The following CFAP221 variants were observed in gnomAD, a reference collection of about 807,000 sequenced individuals.
CFAP221 encodes cilia- and flagella-associated protein 221.
A neutral mutation model predicts 113.1 loss-of-function variants in CFAP221; 97 were observed. The ratio of observed to expected loss-of-function variants is 0.86; its 90% confidence interval spans 0.73 to 1.02. The LOEUF (loss-of-function observed/expected upper bound fraction) is 1.02. Ranked by LOEUF, CFAP221 falls within the 50% of genes least tolerant of loss-of-function variation. The pLI is 0.00. For synonymous variants in CFAP221, 331 were observed against 354.4 expected (o/e 0.93, Z 0.74); for missense variants, 1,025 against 1,013.4 (o/e 1.01, Z -0.16).
Position 119,563,243 on chromosome 2 carries a change from A to G in CFAP221, c.527+1129A>G, listed in dbSNP as rs573827969. On this transcript the variant is annotated intron_variant, in intron 6 of 23. Coordinates refer to ENST00000413369, the MANE Select transcript of CFAP221 (RefSeq NM_001271049.2). The stretch of plus-strand genomic sequence containing the variant: ...TCAAATCATCTCTAGATTACTTATA[A>G]TGCTAATACAATGTAAACACTATGT... Among the ~76,000 whole-genome samples, 436 of 152,322 alleles carry G rather than the reference A, an allele frequency of 2.9e-3. 2 individuals are homozygous for G. The highest frequency in any genetic ancestry group is 9.8e-3 in the African/African-American group (408 of 41,564).
intron 21 of CFAP221, among the ~76,000 whole-genome samples, chr2:119,642,584 G>A (rs954613918): frequency 1.5e-5 from 2 of 129,790 alleles, no homozygotes; most frequent in Non-Finnish European, 3.1e-5. Context: ...TATCTTCCAC[G>A]CTGGAGTGCA....
At chr2:119,648,547 C>G in intron 22 of CFAP221, 1 of 198,392 alleles carries the variant, frequency 5.0e-6, no homozygotes, top group Non-Finnish European at 1.2e-5. Flanking sequence ...TAGGAAGACT[C>G]TTGGTCCCAG....
intron 3 of CFAP221, among the ~76,000 whole-genome samples, chr2:119,550,917 C>T (rs565896437): frequency 1.3e-5 from 2 of 152,312 alleles, no homozygotes; most frequent in Admixed American, 6.5e-5. Context: ...TATTCCCCTC[C>T]CACTCCCACC....
chr2:119,584,243 G>A (rs1037302800), intron 6 of CFAP221, among the ~76,000 whole-genome samples: 1 of 151,988 alleles, frequency 6.6e-6, no homozygotes, highest in Non-Finnish European at 1.5e-5. Flanking sequence ...ATAAACTATG[G>A]CTTGGAAAAG....
chr2:119,614,084 G>C (rs1685361192), intron 13 of CFAP221, among the ~76,000 whole-genome samples: 1 of 152,226 alleles, frequency 6.6e-6, no homozygotes, highest in African/African-American at 2.4e-5. Flanking sequence ...AATGCCCCCA[G>C]TCTCTTTGCT....
At chr2:119,636,223 T>C (rs868325038) in intron 19 of CFAP221, among the ~76,000 whole-genome samples, 15 of 152,230 alleles carry the variant, frequency 9.9e-5, no homozygotes, top group African/African-American at 3.4e-4. Context: ...ATGCTACTTA[T>C]TAGTTTTCAA....
At chr2:119,568,663 C>T (rs1324747930) in intron 6 of CFAP221, among the ~76,000 whole-genome samples, 2 of 152,146 alleles carry the variant, frequency 1.3e-5, no homozygotes, top group Non-Finnish European at 2.9e-5. Flanking sequence ...CTGCAAAGGA[C>T]ATTATTTCAT....
intron 5 of CFAP221, 73 bp from the exon 6 acceptor site, chr2:119,561,941 A>G: frequency 1.1e-6 from 1 of 948,918 alleles, no homozygotes; most frequent in Non-Finnish European, 1.6e-6. Flanking sequence ...GATAAGAAAT[A>G]AAGCATCTAC....
intron 6 of CFAP221, among the ~76,000 whole-genome samples, chr2:119,574,721 CACAT>C (rs1428940666): frequency 2.0e-5 from 3 of 152,180 alleles, no homozygotes; most frequent in Admixed American, 2.0e-4. Context: ...CACACACACT[CACAT>C]ACATGCACTT....
intron 7 of CFAP221, among the ~76,000 whole-genome samples, chr2:119,598,101 G>A (rs1352120103): frequency 6.6e-6 from 1 of 152,076 alleles, no homozygotes; most frequent in Admixed American, 6.5e-5. Flanking sequence ...TAGGGAGAGT[G>A]ATCTGTACTT....
At chr2:119,572,532 T>C in intron 6 of CFAP221, 1 of 701,280 alleles carries the variant, frequency 1.4e-6, no homozygotes, top group Non-Finnish European at 2.6e-6. Flanking sequence ...TTCATCATGC[T>C]CTGTAGTTTA....
intron 19 of CFAP221, among the ~76,000 whole-genome samples, chr2:119,637,371 C>G (rs2012663): frequency 0.95 from 143,976 of 152,276 alleles, 68,148 homozygotes; most frequent in East Asian, 0.99. Context: ...ATCTGGGTGC[C>G]GGAATGCATT....
intron 8 of CFAP221, 175 bp downstream of exon 8, chr2:119,601,552 C>A: frequency 1.8e-6 from 1 of 565,856 alleles, no homozygotes; most frequent in Non-Finnish European, 2.8e-6. Flanking sequence ...TATATCTATG[C>A]TAGTAGCAAG....
In CFAP221 at chr2:119,604,871, CTT is replaced by C. The variant is rs762155520; in HGVS notation, c.913-4_913-3del. On this transcript the variant is annotated splice_polypyrimidine_tract_variant and splice_region_variant and intron_variant, in intron 9 of 23. Transcript: ENST00000413369. ...ACTGATTTCCCTATTGATTTGGTCT[CTT>C]AGGAAATTGAGTACCAGAACCTCAG... is the stretch of plus-strand genomic sequence containing the variant. 7.9e-5 allele frequency: 128 copies of C among 1,613,748 alleles called. No individual in the cohort carries two copies. Among genetic ancestry groups the C allele is most frequent in the Non-Finnish European group, 9.9e-5 (117 of 1,179,898 alleles).
At chr2:119,647,120 AG>A (rs2104807097) in intron 22 of CFAP221, 70 bp downstream of exon 22, 2 of 1,239,884 alleles carry the variant, frequency 1.6e-6, no homozygotes, top group South Asian at 2.6e-5. Flanking sequence ...AGGTGCTGTG[AG>A]GAACTTCAGA....
intron 19 of CFAP221, among the ~76,000 whole-genome samples, chr2:119,632,701 CAAA>C (rs34915791): frequency 4.6e-5 from 5 of 109,624 alleles, no homozygotes; most frequent in Non-Finnish European, 7.7e-5. Context: ...TCTTTATTTA[CAAA>C]AAAAAAAAAA....
At chr2:119,562,250 A>T in intron 6 of CFAP221, 136 bp downstream of exon 6, 1 of 516,250 alleles carries the variant, frequency 1.9e-6, no homozygotes, top group Non-Finnish European at 3.1e-6. Context: ...TCATTGTAAA[A>T]GGCAAAAAAA....
chr2:119,604,134 T>C (rs1280876871), intron 8 of CFAP221, among the ~76,000 whole-genome samples: 1 of 152,202 alleles, frequency 6.6e-6, no homozygotes, highest in Non-Finnish European at 1.5e-5. Context: ...TTTTTCAGCA[T>C]GTCATGTTTT....
At chr2:119,567,564 T>C (rs1171036656) in intron 6 of CFAP221, among the ~76,000 whole-genome samples, 1 of 152,238 alleles carries the variant, frequency 6.6e-6, no homozygotes, top group Non-Finnish European at 1.5e-5. Flanking sequence ...TAATTATGAA[T>C]AAAACTGCAT....
Sources: gnomAD v4.1 joint callset for allele counts (sites outside exome capture counted in the v4.1 genomes callset) on GRCh38, gnomAD v4.1.1 for gene constraint, MANE v1.5 for transcripts, NCBI Gene and HGNC (gene_info 2026-07-23, HGNC 2026-07-21) for gene names.